OS9: variants seen among roughly 807,000 people sequenced by gnomAD.
OS9 encodes protein OS-9.
In OS9, 58 loss-of-function variants were observed where a neutral mutation model predicts 84.7. That is an observed-to-expected ratio of 0.68 (90% CI 0.55 to 0.85). The LOEUF (loss-of-function observed/expected upper bound fraction) is 0.85. Ranked by LOEUF, OS9 falls within the 40% of genes least tolerant of loss-of-function variation. OS9 has a pLI of 0.00. For synonymous variants in OS9, 278 were observed against 320.8 expected (o/e 0.87, Z 1.43); for missense variants, 760 against 850.9 (o/e 0.89, Z 1.33).
chr12:57,718,526 CG>C, intron 11 of OS9, 105 bp downstream of exon 11: 1 of 1,238,838 alleles, frequency 8.1e-7, no homozygotes, highest in Non-Finnish European at 1.1e-6. Flanking sequence ...AGGGCAAGGA[CG>C]GGGCACTTGG....
chr12:57,717,076 C>G (rs1452450202), intron 9 of OS9, among the ~76,000 whole-genome samples: 1 of 152,146 alleles, frequency 6.6e-6, no homozygotes, highest in Non-Finnish European at 1.5e-5. Context: ...ACTGAATAAA[C>G]TAAATGGTTA....
chr12:57,719,782 C>T, intron 12 of OS9: 1 of 282,178 alleles, frequency 3.5e-6, no homozygotes, highest in Non-Finnish European at 6.7e-6. Flanking sequence ...CACACTTTTC[C>T]AACCTGCTTC....
rs530917403 is a variant in OS9 at position 57,720,253 on chromosome 12, C to G, written c.1755C>G (p.Leu585=). 6.2e-7 allele frequency: 1 copy of G among 1,613,906 alleles called. No homozygotes were observed. Among genetic ancestry groups the G allele is most frequent in the Non-Finnish European group, 8.5e-7 (1 of 1,179,958 alleles). The change falls in exon 13 of 15, where the codon CTC becomes CTG. Residue 585 remains leucine (L), a synonymous_variant. Transcript: ENST00000315970. ...AGGAGCTGCTGGAGAGGGAGGGACT[C>G]ACAGCTGCAGGTGGGCCCTGGAGGG... ...LVKELLEREG[L]TAAGKIEIKI...
intron 5 of OS9, among the ~76,000 whole-genome samples, chr12:57,696,746 A>G (rs1452646442): frequency 6.6e-6 from 1 of 151,608 alleles, no homozygotes; most frequent in Admixed American, 6.6e-5. Flanking sequence ...CAGTGAGCCG[A>G]GGTCGTGCCA....
intron 5 of OS9, among the ~76,000 whole-genome samples, chr12:57,704,437 C>T (rs10877006): frequency 0.6 from 91,049 of 151,772 alleles, 27,892 homozygotes; most frequent in Middle Eastern, 0.7. Flanking sequence ...CTCGGGAAAC[C>T]GAGACAGGAG....
At position 57,696,463 on chromosome 12, in the gene OS9, CG is replaced by C. The variant is rs869110477; in HGVS notation, c.579+98del. 87 of 64,730 alleles carry C rather than the reference CG, an allele frequency of 1.3e-3. 6 individuals carry two copies. Among genetic ancestry groups the C allele is most frequent in the Middle Eastern group, 0.011 (7 of 658 alleles). The allele number at this position is 64,730 out of a possible 1,614,324, so 4.0% of individuals were successfully genotyped here. On this transcript the variant is annotated intron_variant, in intron 5 of 14. Coordinates refer to ENST00000315970, the MANE Select transcript of OS9 (RefSeq NM_006812.4). The stretch of plus-strand genomic sequence containing the variant: ...TTGCATCTTATAGTCGGGGCGGGGG[CG>C]GGGGGGGTCCCCTCCCAGACCCTAA...
chr12:57,719,956 T>G, intron 12 of OS9, 143 bp from the exon 13 acceptor site: 2 of 760,348 alleles, frequency 2.6e-6, no homozygotes, highest in Non-Finnish European at 4.3e-6. Context: ...GGGCACACAT[T>G]TTTTTGAGCC....
chr12:57,717,852 A>G lies in OS9; in HGVS notation c.1046-18A>G, dbSNP rs200940935. The G allele has an allele frequency of 1.5e-5, 20 of 1,375,426 alleles. No individual in the cohort carries two copies. In the East Asian group the frequency reaches 4.6e-4, roughly 32 times the overall value. The allele number at this position is 1,375,426 out of a possible 1,614,324, so 85.2% of individuals were successfully genotyped here. ...AACACAACAGAACAGGTTCATGATTATTATTCTTTCATCTCAGATTTTCAG... is the reference window on the plus strand; with the variant it reads ...AACACAACAGAACAGGTTCATGATTGTTATTCTTTCATCTCAGATTTTCAG... On this transcript the variant is annotated intron_variant, in intron 9 of 14. Transcript: ENST00000315970.
At chr12:57,720,608 A>G (rs558041300) in intron 14 of OS9, 90 bp downstream of exon 14, 80 of 1,289,388 alleles carry the variant, frequency 6.2e-5, no homozygotes, top group Middle Eastern at 5.5e-4. Context: ...CTGAGCTTCC[A>G]TTTCCTGATC....
intron 5 of OS9, among the ~76,000 whole-genome samples, chr12:57,703,773 T>C (rs1019037427): frequency 2.7e-5 from 4 of 149,354 alleles, no homozygotes; most frequent in African/African-American, 9.9e-5. Flanking sequence ...TTTTTTTTTT[T>C]CTATAAAAAA....
In OS9 at chr12:57,716,442, ACTCAGATTT is replaced by A. The variant is rs1565780154; in HGVS notation, c.926_934del (p.Ser309_Phe311del). The A allele has an allele frequency of 6.4e-7, 1 of 1,566,094 alleles. No homozygotes were observed. The highest frequency in any genetic ancestry group is 1.9e-5 in the Admixed American group (1 of 52,342). On this transcript the variant is annotated inframe_deletion, in exon 8 of 15. Transcript: ENST00000315970. ...AGCCCGACCAAGGATGACAGTAAGG[ACTCAGATTT>A]CTGGAAGATGCTTAATGAGCCAGAG... is the stretch of plus-strand genomic sequence containing the variant.
chr12:57,699,523 C>G (rs1393304373), intron 5 of OS9, among the ~76,000 whole-genome samples: 1 of 152,104 alleles, frequency 6.6e-6, no homozygotes, highest in Non-Finnish European at 1.5e-5. Context: ...GGAAATTGGT[C>G]CATGGTGTTG....
chr12:57,699,953 G>A (rs1474589756), intron 5 of OS9, among the ~76,000 whole-genome samples: 1 of 152,138 alleles, frequency 6.6e-6, no homozygotes, highest in African/African-American at 2.4e-5. Context: ...AAATTAGCCG[G>A]GTGTGGTGGT....
At chr12:57,712,936 T>C (rs1301807868) in intron 5 of OS9, among the ~76,000 whole-genome samples, 1 of 152,142 alleles carries the variant, frequency 6.6e-6, no homozygotes, top group Non-Finnish European at 1.5e-5. Flanking sequence ...GCTGTTAGGC[T>C]CCATTCATTG....
chr12:57,720,338 T>C (rs1595071020), intron 13 of OS9, 68 bp from the exon 14 acceptor site: 2 of 1,599,140 alleles, frequency 1.3e-6, no homozygotes, highest in African/African-American at 2.7e-5. Flanking sequence ...CTGGGACCAG[T>C]GGGGCAGGGG....
At position 57,720,489 on chromosome 12, in the gene OS9, A is replaced by G; in HGVS notation, c.1849A>G (p.Asn617Asp). The change falls in exon 14 of 15, where the codon AAC becomes GAC. Residue 617 changes from asparagine (N) to aspartate (D), a missense_variant. Asn to Asp is a conservative substitution (Grantham distance 23). Coordinates refer to ENST00000315970, the MANE Select transcript of OS9 (RefSeq NM_006812.4). ...TTGGCTGACTGATGAGGACACGAGAAACCTCAAGGAGATCTTCTTCAATAT... is the reference window on the plus strand; with the variant it reads ...TTGGCTGACTGATGAGGACACGAGAGACCTCAAGGAGATCTTCTTCAATAT... ...ARWLTDEDTR[N>D]LKEIFFNILV... 6.2e-7 allele frequency: 1 copy of G among 1,613,142 alleles called. No individual in the cohort carries two copies. Among genetic ancestry groups the G allele is most frequent in the East Asian group, 2.2e-5 (1 of 44,880 alleles).
intron 11 of OS9, 85 bp from the exon 12 acceptor site, chr12:57,718,908 T>C (rs1954591928): frequency 1.1e-6 from 1 of 949,000 alleles, no homozygotes; most frequent in African/African-American, 1.6e-5. Context: ...CATTTCAAAA[T>C]ATCAGACTCT....
At position 57,716,480 on chromosome 12, in the gene OS9, C is replaced by A; in HGVS notation, c.961C>A (p.Gln321Lys). Residue 321 changes from glutamine (Q) to lysine (K), a missense_variant, in exon 8 of 15, where the codon CAG becomes AAG. Physicochemically the swap from Gln to Lys is moderately conservative, Grantham distance 53 (BLOSUM62 1). Coordinates refer to ENST00000315970, the MANE Select transcript of OS9 (RefSeq NM_006812.4). ...GAAGATGCTTAATGAGCCAGAGGAC[C>A]AGGCCCCAGGAGGGGAGGAGGTGCC... is the stretch of plus-strand genomic sequence containing the variant. Reference protein sequence around the residue: ...FWKMLNEPEDQAPGGEEVPAE... With the variant: ...FWKMLNEPEDKAPGGEEVPAE... The A allele has an allele frequency of 6.3e-7, 1 of 1,575,246 alleles. No individual in the cohort carries two copies. Among genetic ancestry groups the A allele is most frequent in the East Asian group, 2.3e-5 (1 of 43,330 alleles).
rs749745615 is a variant in OS9 at position 57,718,100 on chromosome 12, C to G, written c.1135-46C>G. ...TTTGTCTGCCCCCGACCATGTGTCT[C>G]TGTTGAAACCCCAACTGTCTTTCTC... On this transcript the variant is annotated intron_variant, in intron 10 of 14. Transcript: ENST00000315970. 1.9e-6 allele frequency: 3 copies of G among 1,590,442 alleles called. No homozygotes were observed. In the African/African-American group the frequency reaches 4.0e-5, roughly 21 times the overall value.
Sources: allele counts gnomAD v4.1 joint callset (sites outside exome capture counted in the v4.1 genomes callset), GRCh38; gene constraint gnomAD v4.1.1; transcripts MANE v1.5; gene names NCBI Gene and HGNC (gene_info 2026-07-23, HGNC 2026-07-21).